Variants in DIAPH2 observed in about 807,000 individuals in gnomAD.
The protein encoded by DIAPH2 is diaphanous related formin 2, also known as protein diaphanous homolog 2.
A neutral mutation model predicts 92.7 loss-of-function variants in DIAPH2; 35 were observed. The observed-to-expected ratio is 0.38, with a 90% CI of 0.29 to 0.50. DIAPH2 has a LOEUF of 0.50. Among genes scored for constraint, DIAPH2 ranks in the 20% least tolerant of loss-of-function variants. DIAPH2 has a pLI of 0.94. For synonymous variants in DIAPH2, 301 were observed against 280.4 expected (o/e 1.07, Z -0.73); for missense variants, 701 against 819.5 (o/e 0.86, Z 1.77).
At chrX:97,302,949 A>G (rs2068719318) in intron 23 of DIAPH2, among the ~76,000 whole-genome samples, 1 of 112,347 alleles carries the variant, frequency 8.9e-6, no homozygotes, top group African/African-American at 3.2e-5. Flanking sequence ...GCGCCACTGC[A>G]CTCCAGCCTA....
chrX:97,420,750 T>TACACTGCC (rs1231720791), intron 25 of DIAPH2, among the ~76,000 whole-genome samples: 1 of 112,256 alleles, frequency 8.9e-6, no homozygotes, highest in East Asian at 2.8e-4. Context: ...ATGTAATTAC[T>TACACTGCC]ACACTGCCCC....
At chrX:97,176,727 C>A (rs2067495040) in intron 22 of DIAPH2, among the ~76,000 whole-genome samples, 1 of 110,875 alleles carries the variant, frequency 9.0e-6, no homozygotes, top group South Asian at 3.8e-4. Context: ...CAGGGTTTCA[C>A]CGTGTTGGCC....
chrX:96,764,017 C>G (rs2064286453), intron 4 of DIAPH2, among the ~76,000 whole-genome samples: 1 of 107,828 alleles, frequency 9.3e-6, no homozygotes, highest in South Asian at 4.1e-4. Context: ...GAAAAGCCAT[C>G]ATCCTTTCAG....
At chrX:96,751,446 G>A (rs1328619038) in intron 3 of DIAPH2, among the ~76,000 whole-genome samples, 18 of 102,847 alleles carry the variant, frequency 1.8e-4, no homozygotes, top group Admixed American at 1.7e-3. Context: ...CGTGGTGGTG[G>A]GCGCCTGTAG....
intron 4 of DIAPH2, among the ~76,000 whole-genome samples, chrX:96,807,063 A>G (rs1468892597): frequency 1.8e-5 from 2 of 112,165 alleles, no homozygotes; most frequent in Admixed American, 9.4e-5. Flanking sequence ...TAAACTGGAC[A>G]TGCCACTTTA....
At chrX:97,251,029 A>C (rs2068184481) in intron 23 of DIAPH2, among the ~76,000 whole-genome samples, 1 of 111,990 alleles carries the variant, frequency 8.9e-6, no homozygotes, top group Admixed American at 9.5e-5. Flanking sequence ...CTTTAGAAGG[A>C]AACTCATCAC....
chrX:96,963,199 C>T (rs1414121567), intron 16 of DIAPH2, among the ~76,000 whole-genome samples: 1 of 111,614 alleles, frequency 9.0e-6, no homozygotes, highest in Non-Finnish European at 1.9e-5. Flanking sequence ...CTCCAATATG[C>T]TGCACCACGT....
At chrX:97,269,759 T>A (rs766086679) in intron 23 of DIAPH2, among the ~76,000 whole-genome samples, 21 of 108,173 alleles carry the variant, frequency 1.9e-4, no homozygotes, top group South Asian at 1.2e-3. Flanking sequence ...TTATTTTTTT[T>A]TTTTTTTTTT....
chrX:96,962,452 C>T (rs757304653), intron 16 of DIAPH2, among the ~76,000 whole-genome samples: 5 of 62,069 alleles, frequency 8.1e-5, no homozygotes, highest in African/African-American at 2.9e-4. Context: ...CATATATACA[C>T]ACACATATAT....
At chrX:96,712,985 G>T (rs781379937) in intron 1 of DIAPH2, among the ~76,000 whole-genome samples, 1 of 110,893 alleles carries the variant, frequency 9.0e-6, no homozygotes, top group Non-Finnish European at 1.9e-5. Context: ...TATGCTATTC[G>T]ATCCCACTCA....
chrX:97,193,148 G>A (rs2067670439), intron 22 of DIAPH2, among the ~76,000 whole-genome samples: 1 of 106,998 alleles, frequency 9.3e-6, no homozygotes, highest in Non-Finnish European at 1.9e-5. Context: ...TAGTAGCTGG[G>A]ACCACAGGTG....
intron 26 of DIAPH2, among the ~76,000 whole-genome samples, chrX:97,530,460 C>T (rs1002910039): frequency 8.9e-6 from 1 of 111,856 alleles, no homozygotes; most frequent in African/African-American, 3.3e-5. Flanking sequence ...TTTTGAAAGA[C>T]TGCAACTTCA....
intron 26 of DIAPH2, among the ~76,000 whole-genome samples, chrX:97,527,920 A>G (rs750105148): frequency 8.9e-6 from 1 of 111,862 alleles, no homozygotes; most frequent in Non-Finnish European, 1.9e-5. Context: ...TTTGTAGTAC[A>G]ACTGTTGTGC....
intron 22 of DIAPH2, among the ~76,000 whole-genome samples, chrX:97,206,838 G>T (rs906775533): frequency 9.0e-6 from 1 of 111,458 alleles, no homozygotes; most frequent in Non-Finnish European, 1.9e-5. Flanking sequence ...GAACACTCAG[G>T]CGTATATACT....
At chrX:96,919,390 G>A (rs959431098) in intron 9 of DIAPH2, among the ~76,000 whole-genome samples, 3 of 112,017 alleles carry the variant, frequency 2.7e-5, no homozygotes, top group African/African-American at 9.7e-5. Flanking sequence ...CAGTTTTTAA[G>A]TGTCACAGTC....
intron 4 of DIAPH2, among the ~76,000 whole-genome samples, chrX:96,836,400 TGTACTCAAAGGCA>T (rs1271635602): frequency 9.2e-6 from 1 of 109,255 alleles, no homozygotes; most frequent in Non-Finnish European, 1.9e-5. Context: ...GATAAATGAC[TGTACTCAAAGGCA>T]TATTGATTTC....
At position 97,275,883 on chromosome X, in the gene DIAPH2, G is replaced by A. The variant is rs190830932; in HGVS notation, c.2844+28044G>A. The stretch of plus-strand genomic sequence containing the variant: ...TTGCTTCCCAGACTGGGTGGCGGCC[G>A]GGCAGAGGCTGCAATCTCCGCACTT... On this transcript the variant is annotated intron_variant, in intron 23 of 26. Transcript: ENST00000324765. Among the ~76,000 whole-genome samples the A allele has an allele frequency of 2.1e-3, 237 of 112,493 alleles. 2 individuals are homozygous for A. In the Middle Eastern group the frequency reaches 0.023, roughly 11 times the overall value.
chrX:97,177,653 A>G (rs917125965), intron 22 of DIAPH2, among the ~76,000 whole-genome samples: 9 of 108,700 alleles, frequency 8.3e-5, no homozygotes, highest in Non-Finnish European at 1.5e-4. Context: ...GTTTTATTTC[A>G]AAATTTGTTA....
chrX:97,330,905 C>A (rs2068996085), intron 23 of DIAPH2, among the ~76,000 whole-genome samples: 1 of 111,790 alleles, frequency 8.9e-6, no homozygotes, highest in Admixed American at 9.6e-5. Context: ...TAGATTCTTT[C>A]AACTTCTTGG....
Sources: allele counts gnomAD v4.1 joint callset (sites outside exome capture counted in the v4.1 genomes callset), GRCh38; gene constraint gnomAD v4.1.1; transcripts MANE v1.5; gene names NCBI Gene and HGNC (gene_info 2026-07-23, HGNC 2026-07-21).